Variants in ORC5 observed in about 807,000 individuals in gnomAD.
ORC5 encodes the protein protein phosphatase 1, regulatory subunit 117.
A neutral mutation model predicts 58.8 loss-of-function variants in ORC5; 39 were observed. That is an observed-to-expected ratio of 0.66 (90% CI 0.51 to 0.87). The LOEUF (loss-of-function observed/expected upper bound fraction) is 0.87, where lower values mean the gene tolerates loss of function less well. Ranked by LOEUF, ORC5 falls within the 40% of genes least tolerant of loss-of-function variation. The pLI is 0.00. For synonymous variants in ORC5, 218 were observed against 177.6 expected (o/e 1.23, Z -1.81); for missense variants, 493 against 506.3 (o/e 0.97, Z 0.25).
At chr7:104,173,838 A>ATTTTTTTTTTTTTTTTTTTTTTTTT (rs746698932) in intron 8 of ORC5, among the ~76,000 whole-genome samples, 1 of 122,756 alleles carries the variant, frequency 8.1e-6, no homozygotes, top group Non-Finnish European at 1.8e-5. Context: ...TGGGTTTAAA[A>ATTTTTTTTTTTTTTTTTTTTTTTTT]TTTTTTCTTT....
In ORC5 at chr7:104,181,601, C is replaced by T. The variant is rs570576018; in HGVS notation, c.824+2342G>A. Among the ~76,000 whole-genome samples the T allele has an allele frequency of 3.3e-5, 5 of 151,624 alleles. No homozygotes were observed. The East Asian group carries it at 5.8e-4, about 18-fold the overall frequency. ...GAGATCAAGACCATCCTGGCTAACA[C>T]GGTGAAATGCTGTCTCTACTAAAAA... is the stretch of plus-strand genomic sequence containing the variant. On this transcript the variant is annotated intron_variant, in intron 8 of 13. Transcript: ENST00000297431.
chr7:104,155,715 T>C (rs1429624226), intron 12 of ORC5, among the ~76,000 whole-genome samples: 2 of 151,566 alleles, frequency 1.3e-5, no homozygotes, highest in African/African-American at 4.8e-5. Flanking sequence ...CAATATGGCT[T>C]TGAGATTTTA....
At chr7:104,145,431 G>GA (rs907487222) in intron 12 of ORC5, among the ~76,000 whole-genome samples, 11 of 151,400 alleles carry the variant, frequency 7.3e-5, no homozygotes, top group Admixed American at 5.3e-4. Context: ...ATCTCTGTTG[G>GA]AAAAAAAAGC....
intron 11 of ORC5, among the ~76,000 whole-genome samples, chr7:104,163,204 TTCTCTGACACAC>T (rs1379455137): frequency 6.6e-6 from 1 of 152,224 alleles, no homozygotes; most frequent in Non-Finnish European, 1.5e-5. Context: ...ACACTGTTTC[TTCTCTGACACAC>T]AAGAAGACTA....
chr7:104,192,477 G>A (rs1024945388), intron 5 of ORC5, among the ~76,000 whole-genome samples: 6 of 152,136 alleles, frequency 3.9e-5, no homozygotes, highest in South Asian at 2.1e-4. Context: ...TAGAAGTAGA[G>A]CTAAAATTAG....
intron 12 of ORC5, among the ~76,000 whole-genome samples, chr7:104,143,487 C>T (rs2115779300): frequency 6.6e-6 from 1 of 152,180 alleles, no homozygotes; most frequent in South Asian, 2.1e-4. Context: ...TACCAAGATT[C>T]CCCGGCTAAA....
chr7:104,159,861 C>T (rs1420754980), intron 12 of ORC5, among the ~76,000 whole-genome samples: 1 of 152,008 alleles, frequency 6.6e-6, no homozygotes, highest in Non-Finnish European at 1.5e-5. Context: ...CAACAGTAAA[C>T]ACAAAACAAA....
At chr7:104,151,235 C>G (rs1270465309) in intron 12 of ORC5, among the ~76,000 whole-genome samples, 1 of 151,950 alleles carries the variant, frequency 6.6e-6, no homozygotes, top group East Asian at 1.9e-4. Flanking sequence ...AAAAGAAAGA[C>G]CAAATTTATT....
chr7:104,140,250 G>C (rs961285070), intron 12 of ORC5, among the ~76,000 whole-genome samples: 1 of 151,932 alleles, frequency 6.6e-6, no homozygotes, highest in African/African-American at 2.4e-5. Flanking sequence ...TAGGACCATA[G>C]ACTCCATTTG....
intron 1 of ORC5, among the ~76,000 whole-genome samples, chr7:104,207,362 A>C (rs956857873): frequency 2.2e-4 from 34 of 152,152 alleles, no homozygotes; most frequent in African/African-American, 6.8e-4. Context: ...AATTCTGGAA[A>C]AGCCAGTAAA....
chr7:104,169,381 A>G (rs1178635765), intron 8 of ORC5, among the ~76,000 whole-genome samples: 1 of 152,170 alleles, frequency 6.6e-6, no homozygotes, highest in Non-Finnish European at 1.5e-5. Context: ...AACAACCAAA[A>G]CACTATTAAG....
At chr7:104,177,109 C>T (rs1177340901) in intron 8 of ORC5, among the ~76,000 whole-genome samples, 3 of 152,158 alleles carry the variant, frequency 2.0e-5, no homozygotes, top group African/African-American at 7.2e-5. Context: ...ATGGAAATAG[C>T]TTGAACTAAT....
At position 104,186,469 on chromosome 7, in the gene ORC5, C is replaced by A. The variant is rs1799545632; in HGVS notation, c.684+1782G>T. ...AATATGTTTAATAATTTATGAATAA[C>A]AGTTAAAAAGGCAGTATCATAAGGT... On this transcript the variant is annotated intron_variant, in intron 6 of 13. Coordinates refer to ENST00000297431, the MANE Select transcript of ORC5 (RefSeq NM_002553.4). 2.0e-5 allele frequency among the ~76,000 whole-genome samples: 3 copies of A among 151,990 alleles called. No homozygotes were observed. In the South Asian group the frequency reaches 6.2e-4, roughly 32 times the overall value.
intron 10 of ORC5, 136 bp downstream of exon 10, chr7:104,166,636 T>C (rs1016829749): frequency 3.6e-5 from 20 of 562,464 alleles, no homozygotes; most frequent in Non-Finnish European, 5.3e-5. Context: ...GTAAAGCCTT[T>C]AAAGAATGAG....
rs1799771274 is a variant in ORC5 at position 104,195,194 on chromosome 7, T to C, written c.502A>G (p.Asn168Asp). 2 of 1,577,448 alleles carry C rather than the reference T, an allele frequency of 1.3e-6. No individual in the cohort carries two copies. Among genetic ancestry groups the C allele is most frequent in the African/African-American group, 1.4e-5 (1 of 72,464 alleles). ...SEIVWEKFRP[N>D]TGCFEPFVLY... The stretch of plus-strand genomic sequence containing the variant: ...ACAAACGGCTCAAAGCATCCAGTAT[T>C]TGGACGAAACTTTTCCCAAACAATT... The change falls in exon 5 of 14, where the codon AAT becomes GAT. Residue 168 changes from asparagine (N) to aspartate (D), a missense_variant. By Grantham distance (23) the Asn-to-Asp change is conservative. Around this residue, in one of 3 missense-constraint regions of ORC5, gnomAD observed 412 missense variants for 403.7 expected, o/e 1.02. Transcript: ENST00000297431.
chr7:104,186,969 T>C (rs1799557544), intron 6 of ORC5, among the ~76,000 whole-genome samples: 2 of 152,220 alleles, frequency 1.3e-5, no homozygotes, highest in Non-Finnish European at 2.9e-5. Context: ...TATATATTTC[T>C]CTCTTTACAT....
intron 8 of ORC5, among the ~76,000 whole-genome samples, chr7:104,169,829 T>C (rs1400054884): frequency 6.6e-6 from 1 of 152,224 alleles, no homozygotes; most frequent in Non-Finnish European, 1.5e-5. Context: ...TAAGTTGTAA[T>C]ATTCCTACCT....
At chr7:104,195,363 T>A (rs1799775979) in intron 4 of ORC5, 109 bp from the exon 5 acceptor site, 2 of 546,800 alleles carry the variant, frequency 3.7e-6, no homozygotes, top group Non-Finnish European at 3.2e-6. Flanking sequence ...TTCTAACCTA[T>A]AACAAATTAT....
intron 12 of ORC5, among the ~76,000 whole-genome samples, chr7:104,141,689 C>CA (rs1459082428): frequency 6.6e-6 from 1 of 151,822 alleles, no homozygotes; most frequent in Non-Finnish European, 1.5e-5. Context: ...AATGAACTAT[C>CA]AAAAAACGAA....
Sources: gnomAD v4.1 joint callset for allele counts (sites outside exome capture counted in the v4.1 genomes callset) on GRCh38, gnomAD v4.1.1 for gene constraint, gnomAD v4.1.1 regional missense constraint, MANE v1.5 for transcripts, NCBI Gene and HGNC (gene_info 2026-07-23, HGNC 2026-07-21) for gene names.